GPR158: variants seen among roughly 807,000 people sequenced by gnomAD.
GPR158 encodes the protein G protein-coupled receptor 158.
In GPR158, 30 loss-of-function variants were observed where a neutral mutation model predicts 78.2. The observed-to-expected ratio is 0.38, with a 90% CI of 0.29 to 0.52. GPR158 has a LOEUF of 0.52. GPR158 is among the 20% of genes least tolerant of loss of function. The probability of loss-of-function intolerance (pLI) is 0.83; values close to 1 mark genes in which losing one functional copy is unlikely to be tolerated. For missense variants in GPR158, 1,463 were observed against 1,523.5 expected (o/e 0.96, Z 0.66); for synonymous variants, 581 against 591.1 (o/e 0.98, Z 0.25).
At chr10:25,486,495 C>A (rs1323833019) in intron 5 of GPR158, among the ~76,000 whole-genome samples, 1 of 152,106 alleles carries the variant, frequency 6.6e-6, no homozygotes, top group African/African-American at 2.4e-5. Context: ...TAAGGATATG[C>A]CCCTTTATCA....
chr10:25,327,211 A>G (rs1484700426), intron 2 of GPR158, among the ~76,000 whole-genome samples: 1 of 151,996 alleles, frequency 6.6e-6, no homozygotes, highest in Admixed American at 6.6e-5. Flanking sequence ...CACCCTAAAT[A>G]CCTGCGATAT....
At chr10:25,401,301 C>T (rs577667359) in intron 3 of GPR158, among the ~76,000 whole-genome samples, 68 of 152,276 alleles carry the variant, frequency 4.5e-4, no homozygotes, top group African/African-American at 1.6e-3. Flanking sequence ...TAGGCTTTTA[C>T]TGTATTATAG....
chr10:25,517,224 A>G (rs897599121), intron 5 of GPR158, among the ~76,000 whole-genome samples: 11 of 149,382 alleles, frequency 7.4e-5, no homozygotes, highest in Middle Eastern at 3.2e-3. Flanking sequence ...TTGATTTTGT[A>G]TCCTGAGACT....
chr10:25,185,603 C>T (rs2130633860), intron 1 of GPR158, among the ~76,000 whole-genome samples: 1 of 152,294 alleles, frequency 6.6e-6, no homozygotes. Flanking sequence ...GCAGATGGAT[C>T]ACGAGGTCAG....
chr10:25,253,515 T>C (rs1853844881), intron 2 of GPR158, among the ~76,000 whole-genome samples: 1 of 152,244 alleles, frequency 6.6e-6, no homozygotes, highest in East Asian at 1.9e-4. Context: ...GACTTTGAGA[T>C]TGGAAGGAAT....
intron 5 of GPR158, among the ~76,000 whole-genome samples, chr10:25,536,542 A>G (rs964236930): frequency 3.3e-5 from 5 of 152,202 alleles, no homozygotes; most frequent in Non-Finnish European, 7.3e-5. Context: ...TGTCCTTTAT[A>G]AAAGAAAATT....
At chr10:25,537,454 A>G (rs1029179) in intron 5 of GPR158, among the ~76,000 whole-genome samples, 89,992 of 151,956 alleles carry the variant, frequency 0.59, 28,246 homozygotes, top group African/African-American at 0.81. Flanking sequence ...TTCTGATTAC[A>G]GAACATGTGT....
At chr10:25,470,287 T>C (rs1360649292) in intron 5 of GPR158, among the ~76,000 whole-genome samples, 2 of 152,156 alleles carry the variant, frequency 1.3e-5, no homozygotes, top group Non-Finnish European at 2.9e-5. Flanking sequence ...TGCAATGTTG[T>C]TGAGAAGTGG....
At chr10:25,280,721 A>ATGTC in intron 2 of GPR158, among the ~76,000 whole-genome samples, 1 of 152,162 alleles carries the variant, frequency 6.6e-6, no homozygotes, top group African/African-American at 2.4e-5. Context: ...GTATGTATGT[A>ATGTC]TGTATGTATG....
chr10:25,198,176 C>T lies in GPR158; in HGVS notation c.902+21854C>T, dbSNP rs117492462. 9.1e-3 allele frequency among the ~76,000 whole-genome samples: 1,381 copies of T among 152,300 alleles called. 11 individuals are homozygous for T. Among genetic ancestry groups the T allele is most frequent in the Middle Eastern group, 0.071 (21 of 294 alleles). On this transcript the variant is annotated intron_variant, in intron 1 of 10. Coordinates refer to ENST00000376351, the MANE Select transcript of GPR158 (RefSeq NM_020752.3). ...ATTTGTGGGTAGAGGATAGATATTCCATGCTGATTGAGCTTACTTCATTAT... is the reference window on the plus strand; with the variant it reads ...ATTTGTGGGTAGAGGATAGATATTCTATGCTGATTGAGCTTACTTCATTAT...
At chr10:25,396,849 G>T (rs1305127805) in intron 3 of GPR158, among the ~76,000 whole-genome samples, 2 of 152,084 alleles carry the variant, frequency 1.3e-5, no homozygotes, top group South Asian at 2.1e-4. Context: ...AGAGGCTCAG[G>T]GTCCTCTTCA....
At chr10:25,286,978 A>G (rs886630459) in intron 2 of GPR158, among the ~76,000 whole-genome samples, 4 of 152,042 alleles carry the variant, frequency 2.6e-5, no homozygotes, top group Non-Finnish European at 4.4e-5. Flanking sequence ...TCCCTGCAGT[A>G]TACCATTGTT....
At chr10:25,214,962 C>T (rs80256913) in intron 1 of GPR158, among the ~76,000 whole-genome samples, 57 of 152,276 alleles carry the variant, frequency 3.7e-4, no homozygotes, top group African/African-American at 1.3e-3. Flanking sequence ...CAAACTAATA[C>T]ACCATATTTT....
intron 5 of GPR158, among the ~76,000 whole-genome samples, chr10:25,501,268 G>A (rs11014580): frequency 0.31 from 47,329 of 152,022 alleles, 8,356 homozygotes; most frequent in East Asian, 0.48. Flanking sequence ...AGTCTCACTC[G>A]GGGCATGGCG....
At chr10:25,380,647 T>G (rs1834142077) in intron 2 of GPR158, among the ~76,000 whole-genome samples, 1 of 152,208 alleles carries the variant, frequency 6.6e-6, no homozygotes, top group Non-Finnish European at 1.5e-5. Context: ...TTAGATACTT[T>G]AATTTTTATT....
In GPR158 at chr10:25,411,933, CAAAAAAAAAAAAA is replaced by C. The variant is rs1164005677; in HGVS notation, c.1112-292_1112-280del. 1.5e-3 allele frequency among the ~76,000 whole-genome samples: 69 copies of C among 47,482 alleles called. No homozygotes were observed. In the East Asian group the frequency reaches 0.02, roughly 14 times the overall value. 31.2% of individuals were successfully genotyped at this position (47,482 alleles called of 152,430 possible). A position where few individuals can be genotyped will look rare whatever the true frequency, so the allele number is the denominator to read the frequency against. On this transcript the variant is annotated intron_variant, in intron 3 of 10. Transcript: ENST00000376351. ...TGGGCGACAGAGCGAGACTCTATCACAAAAAAAAAAAAAAAAAAAAAAAAAAAAAAAAAAAAAG... is the reference window on the plus strand; with the variant it reads ...TGGGCGACAGAGCGAGACTCTATCACAAAAAAAAAAAAAAAAAAAAAAAAG...
chr10:25,540,453 A>G (rs1836563439), intron 5 of GPR158, among the ~76,000 whole-genome samples: 1 of 152,230 alleles, frequency 6.6e-6, no homozygotes, highest in African/African-American at 2.4e-5. Context: ...TATACACCCA[A>G]AGGATTATAA....
At chr10:25,299,171 A>G (rs1854556706) in intron 2 of GPR158, among the ~76,000 whole-genome samples, 1 of 152,228 alleles carries the variant, frequency 6.6e-6, no homozygotes, top group Non-Finnish European at 1.5e-5. Flanking sequence ...TGACATAGAT[A>G]GTAAAATGAT....
chr10:25,546,778 G>A (rs1220986614), intron 5 of GPR158, among the ~76,000 whole-genome samples: 1 of 152,188 alleles, frequency 6.6e-6, no homozygotes, highest in Non-Finnish European at 1.5e-5. Context: ...TAAGCCACAG[G>A]GGAGGCATGT....
Sources: allele counts gnomAD v4.1 joint callset (sites outside exome capture counted in the v4.1 genomes callset), GRCh38; gene constraint gnomAD v4.1.1; transcripts MANE v1.5; gene names NCBI Gene and HGNC (gene_info 2026-07-23, HGNC 2026-07-21).